Variants in AMBP observed in about 807,000 individuals in gnomAD.
AMBP encodes protein AMBP.
Under a neutral mutation model 46.3 loss-of-function variants are expected in AMBP, and 37 were observed. That is an observed-to-expected ratio of 0.80 (90% CI 0.61 to 1.05). The LOEUF is 1.05. AMBP is among the 50% of genes least tolerant of loss of function. The pLI, the probability that AMBP is intolerant of heterozygous loss-of-function variation, is 0.00. For missense variants in AMBP, 475 were observed against 461.2 expected, an observed-to-expected ratio of 1.03 and a Z score of -0.27; for synonymous variants, 174 against 175.9, an observed-to-expected ratio of 0.99 and a Z score of 0.09.
chr9:114,073,403 C>T (rs549067871), intron 4 of AMBP, among the ~76,000 whole-genome samples: 109 of 151,962 alleles, frequency 7.2e-4, no homozygotes, highest in African/African-American at 2.5e-3. Context: ...CCTGCCACCA[C>T]GCCCAGCTAA....
At chr9:114,063,709 CA>C (rs57148056) in intron 6 of AMBP, among the ~76,000 whole-genome samples, 2 of 151,354 alleles carry the variant, frequency 1.3e-5, no homozygotes, top group African/African-American at 2.4e-5. Context: ...AAAAAAACAA[CA>C]AAAAAAAGAT....
chr9:114,072,796 A>G (rs964804415), intron 5 of AMBP, 129 bp downstream of exon 5: 1 of 711,934 alleles, frequency 1.4e-6, no homozygotes, highest in Non-Finnish European at 2.4e-6. Flanking sequence ...CTGATTCACT[A>G]TGGAGGGGAG....
chr9:114,072,132 GAGA>G (rs141621317), intron 5 of AMBP, among the ~76,000 whole-genome samples: 2,943 of 152,330 alleles, frequency 0.019, 47 homozygotes, highest in East Asian at 0.061. Flanking sequence ...TGCAGGTGAA[GAGA>G]AGGAGAGAAA....
chr9:114,061,227 CTG>C (rs112040378), intron 8 of AMBP, 129 bp from the exon 9 acceptor site: 12 of 1,392,092 alleles, frequency 8.6e-6, no homozygotes, highest in African/African-American at 4.3e-5. Flanking sequence ...GATGGGGAAA[CTG>C]GGGCCCACAG....
rs974636480 is a variant in AMBP at position 114,061,667 on chromosome 9, G to A, written c.686-76C>T. Reference sequence around the variant, plus strand: ...TTATCAGGCTGGGCACTTGATATGCGCCATCTCATTTAATTTTCACTAAAA... The same window carrying A: ...TTATCAGGCTGGGCACTTGATATGCACCATCTCATTTAATTTTCACTAAAA... On this transcript the variant is annotated intron_variant, in intron 7 of 9. Coordinates refer to ENST00000265132, the MANE Select transcript of AMBP (RefSeq NM_001633.4). The A allele has an allele frequency of 4.8e-5, 68 of 1,421,602 alleles. No individual in the cohort carries two copies. The East Asian group carries it at 7.6e-4, about 16-fold the overall frequency. The allele number at this position is 1,421,602 out of a possible 1,614,324, so 88.1% of individuals were successfully genotyped here. A position where few individuals can be genotyped will look rare whatever the true frequency, so the allele number is the denominator to read the frequency against.
chr9:114,068,726 T>C (rs114933840), intron 6 of AMBP, among the ~76,000 whole-genome samples: 3,977 of 151,814 alleles, frequency 0.026, 170 homozygotes, highest in African/African-American at 0.092. Flanking sequence ...CATTTGTCCT[T>C]TTTTCTATAA....
intron 6 of AMBP, 25 bp downstream of exon 6, chr9:114,069,674 T>G (rs1406309635): frequency 3.2e-5 from 48 of 1,486,030 alleles, no homozygotes; most frequent in Non-Finnish European, 4.1e-5. Context: ...TGGGGTGGGA[T>G]GGGGTCGGGG....
chr9:114,066,017 C>T (rs1476180238), intron 6 of AMBP, among the ~76,000 whole-genome samples: 1 of 146,054 alleles, frequency 6.8e-6, no homozygotes, highest in Non-Finnish European at 1.5e-5. Context: ...GTCAGACAGC[C>T]CCCAGGGGTC....
At chr9:114,073,961 A>T (rs573803042) in intron 4 of AMBP, 75 bp downstream of exon 4, 2 of 1,396,432 alleles carry the variant, frequency 1.4e-6, no homozygotes, top group African/African-American at 1.4e-5. Flanking sequence ...CCCTGTGCTT[A>T]CCCACTCCAC....
chr9:114,066,558 A>C (rs1199085226), intron 6 of AMBP, among the ~76,000 whole-genome samples: 1 of 152,218 alleles, frequency 6.6e-6, no homozygotes, highest in East Asian at 1.9e-4. Flanking sequence ...CCAAGCCTAC[A>C]GAAACAAATT....
At chr9:114,073,871 G>T (rs1426293494) in intron 4 of AMBP, among the ~76,000 whole-genome samples, 165 bp downstream of exon 4, 1 of 152,120 alleles carries the variant, frequency 6.6e-6, no homozygotes, top group Non-Finnish European at 1.5e-5. Flanking sequence ...CAAAAAGAGA[G>T]AATTTCACCT....
At chr9:114,076,513 C>T (rs1564373778) in intron 2 of AMBP, 85 bp downstream of exon 2, 7 of 1,551,960 alleles carry the variant, frequency 4.5e-6, no homozygotes, top group Non-Finnish European at 5.2e-6. Flanking sequence ...AAGCAGAGAT[C>T]TGCAACTTCC....
intron 7 of AMBP, among the ~76,000 whole-genome samples, chr9:114,061,886 G>A (rs77080858): frequency 0.02 from 3,007 of 152,098 alleles, 49 homozygotes; most frequent in East Asian, 0.074. Context: ...CCAAAACTCT[G>A]TAATAGTAGT....
At chr9:114,073,493 G>T (rs1048751729) in intron 4 of AMBP, among the ~76,000 whole-genome samples, 1,345 of 107,270 alleles carry the variant, frequency 0.013, 31 homozygotes, top group Non-Finnish European at 0.019. Flanking sequence ...CTCAATCCCT[G>T]TTTTTTTTTT....
chr9:114,067,305 A>G (rs1846704580), intron 6 of AMBP, among the ~76,000 whole-genome samples: 5 of 152,140 alleles, frequency 3.3e-5, no homozygotes, highest in African/African-American at 9.7e-5. Context: ...TGGCACAATC[A>G]TAGCTCACTG....
chr9:114,065,923 G>T (rs1219739688), intron 6 of AMBP, among the ~76,000 whole-genome samples: 3 of 152,188 alleles, frequency 2.0e-5, no homozygotes, highest in African/African-American at 7.2e-5. Flanking sequence ...AAGAGAAAGA[G>T]CCCAGCTGTG....
chr9:114,061,764 G>A (rs1255169735), intron 7 of AMBP, among the ~76,000 whole-genome samples, 173 bp from the exon 8 acceptor site: 1 of 152,140 alleles, frequency 6.6e-6, no homozygotes, highest in Non-Finnish European at 1.5e-5. Context: ...GGGTCACATA[G>A]AGCTAAGATT....
intron 3 of AMBP, among the ~76,000 whole-genome samples, 169 bp downstream of exon 3, chr9:114,074,791 G>A (rs1846787094): frequency 6.6e-6 from 1 of 152,108 alleles, no homozygotes; most frequent in Non-Finnish European, 1.5e-5. Context: ...GGAAGGGGAG[G>A]AGGAGAGGAG....
Position 114,078,120 on chromosome 9 carries a change from T to G in AMBP, c.90A>C (p.Gln30His), listed in dbSNP as rs1297726155. 1 of 1,613,988 alleles carries G rather than the reference T, an allele frequency of 6.2e-7. No homozygotes were observed. Among genetic ancestry groups the G allele is most frequent in the East Asian group, 2.2e-5 (1 of 44,864 alleles). Residue 30 changes from glutamine (Q) to histidine (H), a missense_variant, in exon 1 of 10, where the codon CAA becomes CAC. Coordinates refer to ENST00000265132, the MANE Select transcript of AMBP (RefSeq NM_001633.4). ...GAGAGATATTGAAGTTTTCCTGCAC[T>G]TGGATGTTGTCGGGCGGCGTTGGCA... ...GPVPTPPDNI[Q>H]VQENFNISRI...
Sources: allele counts gnomAD v4.1 joint callset (sites outside exome capture counted in the v4.1 genomes callset), GRCh38; gene constraint gnomAD v4.1.1; transcripts MANE v1.5; gene names NCBI Gene and HGNC (gene_info 2026-07-23, HGNC 2026-07-21).